Variants in TNFSF13B observed in about 807,000 individuals in gnomAD.
The protein encoded by TNFSF13B is TNF superfamily member 13b.
TNFSF13B carries 8 observed loss-of-function variants against 29.1 expected under a neutral mutation model. The ratio of observed to expected loss-of-function variants is 0.27; its 90% CI spans 0.16 to 0.50. The LOEUF is 0.50. Ranked by LOEUF, TNFSF13B falls within the 20% of genes least tolerant of loss-of-function variation. The pLI, the probability that TNFSF13B is intolerant of heterozygous loss-of-function variation, is 0.98. For synonymous variants in TNFSF13B, 125 were observed against 130.8 expected (o/e 0.96, Z 0.30); for missense variants, 248 against 334.9 (o/e 0.74, Z 2.03).
chr13:108,293,795 A>G (rs997567371), intron 3 of TNFSF13B, among the ~76,000 whole-genome samples: 2 of 152,208 alleles, frequency 1.3e-5, no homozygotes, highest in Non-Finnish European at 2.9e-5. Context: ...TTAAGGTGCC[A>G]ACAGATTTGG....
chr13:108,305,616 A>G (rs984078836), intron 5 of TNFSF13B, among the ~76,000 whole-genome samples: 2 of 152,154 alleles, frequency 1.3e-5, no homozygotes, highest in Non-Finnish European at 2.9e-5. Flanking sequence ...TATTCTTACT[A>G]CTTAAGGTAG....
chr13:108,279,215 C>G lies in TNFSF13B; in HGVS notation c.425-7588C>G, dbSNP rs542604255. The stretch of plus-strand genomic sequence containing the variant: ...TTATTCCACGGATTTTTTTTTAAGT[C>G]TGCTGTAAATCAGACACTGAAAATT... On this transcript the variant is annotated intron_variant, in intron 2 of 5. Transcript: ENST00000375887. Among the ~76,000 whole-genome samples, 72 of 151,778 alleles carry G rather than the reference C, an allele frequency of 4.7e-4. 1 individual carries two copies. Among genetic ancestry groups the G allele is most frequent in the African/African-American group, 1.7e-3 (69 of 41,404 alleles).
chr13:108,307,016 C>CAAAAAAAAAAAAAAAAAAAAAAAAAAAAA lies in TNFSF13B; in HGVS notation c.*81_*109dup, dbSNP rs58093140. On this transcript the variant is annotated 3_prime_UTR_variant, in exon 6 of 6. Transcript: ENST00000375887. Reference sequence around the variant, plus strand: ...GAAGAAAGAATCTAACTGAAAATACCAAAAAAAAAAAAAAAAAAAAAAAAA... The same window carrying CAAAAAAAAAAAAAAAAAAAAAAAAAAAAA: ...GAAGAAAGAATCTAACTGAAAATACCAAAAAAAAAAAAAAAAAAAAAAAAAAAAAAAAAAAAAAAAAAAAAAAAAAAAAA... The CAAAAAAAAAAAAAAAAAAAAAAAAAAAAA allele has an allele frequency of 1.4e-5, 1 of 73,848 alleles. No individual in the cohort carries two copies. The allele number at this position is 73,848 out of a possible 1,614,324, so 4.6% of individuals were successfully genotyped here.
intron 2 of TNFSF13B, among the ~76,000 whole-genome samples, chr13:108,275,343 A>T (rs1880734267): frequency 6.6e-6 from 1 of 152,130 alleles, no homozygotes; most frequent in African/African-American, 2.4e-5. Flanking sequence ...AAGAAAGTGA[A>T]TTCTTTCAAA....
At chr13:108,289,944 CA>C (rs1466445073) in intron 3 of TNFSF13B, among the ~76,000 whole-genome samples, 1 of 151,960 alleles carries the variant, frequency 6.6e-6, no homozygotes, top group Non-Finnish European at 1.5e-5. Context: ...GTAATGCATT[CA>C]CACGTTGCAA....
At chr13:108,271,568 C>A (rs1880616346) in intron 2 of TNFSF13B, among the ~76,000 whole-genome samples, 1 of 151,404 alleles carries the variant, frequency 6.6e-6, no homozygotes, top group African/African-American at 2.4e-5. Flanking sequence ...TTTTATAAAA[C>A]CATAATTTTT....
intron 2 of TNFSF13B, among the ~76,000 whole-genome samples, chr13:108,274,712 T>C (rs953954344): frequency 3.3e-5 from 5 of 152,302 alleles, no homozygotes; most frequent in African/African-American, 1.2e-4. Context: ...TTTCTTTGAT[T>C]TTTGTTTTCA....
chr13:108,285,574 G>T (rs1028287948), intron 2 of TNFSF13B, among the ~76,000 whole-genome samples: 20 of 152,146 alleles, frequency 1.3e-4, no homozygotes, highest in Middle Eastern at 3.2e-3. Flanking sequence ...CATAGAAAAG[G>T]TATAGTAAAA....
chr13:108,287,266 A>G (rs1036165769), intron 3 of TNFSF13B, among the ~76,000 whole-genome samples: 1 of 152,208 alleles, frequency 6.6e-6, no homozygotes, highest in Non-Finnish European at 1.5e-5. Flanking sequence ...AACTTAAAGT[A>G]TAATAAAAAC....
chr13:108,289,246 G>T (rs1398237133), intron 3 of TNFSF13B, among the ~76,000 whole-genome samples: 2 of 151,972 alleles, frequency 1.3e-5, no homozygotes, highest in Non-Finnish European at 2.9e-5. Context: ...AGTATGCTGT[G>T]ATCTTCCTGG....
rs1049055837 is a variant in TNFSF13B at position 108,307,317 on chromosome 13, CA to C, written c.*381del. ...GTGGCATCCATAATTTACTATGGAG[CA>C]AGTGCCCACATCTCTAGGACATTAA... On this transcript the variant is annotated 3_prime_UTR_variant, in exon 6 of 6. Transcript: ENST00000375887. The C allele has an allele frequency of 5.9e-6, 1 of 168,278 alleles. No homozygotes were observed. The highest frequency in any genetic ancestry group is 1.3e-5 in the Non-Finnish European group (1 of 79,316). 10.4% of individuals were successfully genotyped at this position (168,278 alleles called of 1,614,324 possible).
At chr13:108,292,404 T>C (rs1293496336) in intron 3 of TNFSF13B, among the ~76,000 whole-genome samples, 1 of 152,150 alleles carries the variant, frequency 6.6e-6, no homozygotes, top group Non-Finnish European at 1.5e-5. Context: ...TTGTGAGTAG[T>C]GATCCTGTGA....
chr13:108,281,069 A>G (rs1880939650), intron 2 of TNFSF13B, among the ~76,000 whole-genome samples: 1 of 152,122 alleles, frequency 6.6e-6, no homozygotes, highest in South Asian at 2.1e-4. Context: ...CAACACAGAG[A>G]AACCCTGTCT....
intron 5 of TNFSF13B, 39 bp downstream of exon 5, chr13:108,303,643 A>C: frequency 4.4e-6 from 7 of 1,573,952 alleles, no homozygotes; most frequent in Non-Finnish European, 6.0e-6. Context: ...TTGTGAAATG[A>C]AGAGACTTTG....
Position 108,269,947 on chromosome 13 carries a change from A to G in TNFSF13B, c.52A>G (p.Lys18Glu). ...EQSRLTSCLK[K>E]REEMKLKECV... ...GTCACGCCTTACTTCTTGCCTTAAGAAAAGAGAAGAAATGAAACTGAAGGA... is the reference window on the plus strand; with the variant it reads ...GTCACGCCTTACTTCTTGCCTTAAGGAAAGAGAAGAAATGAAACTGAAGGA... The change falls in exon 1 of 6, where the codon AAA becomes GAA. Residue 18 changes from lysine (K) to glutamate (E), a missense_variant. Transcript: ENST00000375887. 1 of 1,613,658 alleles carries G rather than the reference A, an allele frequency of 6.2e-7. No individual in the cohort carries two copies. The highest frequency in any genetic ancestry group is 8.5e-7 in the Non-Finnish European group (1 of 1,179,970).
rs2139036422 is a variant in TNFSF13B, at chr13:108,269,720, G to C, written c.-176G>C. On this transcript the variant is annotated 5_prime_UTR_variant, in exon 1 of 6. Transcript: ENST00000375887. ...TGCCAGCAAACCTACTGTACAGTAG[G>C]GGTAGAGATGCAGAAAGGCAGAAAG... 1.6e-6 allele frequency: 1 copy of C among 617,422 alleles called. No individual in the cohort carries two copies. The highest frequency in any genetic ancestry group is 2.7e-5 in the East Asian group (1 of 36,572). 38.2% of individuals were successfully genotyped at this position (617,422 alleles called of 1,614,324 possible).
intron 2 of TNFSF13B, among the ~76,000 whole-genome samples, chr13:108,283,197 T>G (rs1881008493): frequency 1.3e-5 from 2 of 152,224 alleles, no homozygotes; most frequent in Non-Finnish European, 2.9e-5. Flanking sequence ...ATAGCTGAAA[T>G]AGTTGAAATT....
At chr13:108,293,584 G>A (rs1881385662) in intron 3 of TNFSF13B, among the ~76,000 whole-genome samples, 2 of 152,010 alleles carry the variant, frequency 1.3e-5, no homozygotes, top group Admixed American at 1.3e-4. Context: ...TTATTTATAT[G>A]TCCTATCATT....
rs559337019 is a variant in TNFSF13B, at chr13:108,281,031, G to A, written c.425-5772G>A. ...GGAGGCTGAGGTAGGTGGATCACCTGAGGTCAGGAGTTCGAGACCAGCCTG... is the reference window on the plus strand; with the variant it reads ...GGAGGCTGAGGTAGGTGGATCACCTAAGGTCAGGAGTTCGAGACCAGCCTG... On this transcript the variant is annotated intron_variant, in intron 2 of 5. Coordinates refer to ENST00000375887, the MANE Select transcript of TNFSF13B (RefSeq NM_006573.5). Among the ~76,000 whole-genome samples the A allele has an allele frequency of 5.9e-5, 9 of 152,274 alleles. No individual in the cohort carries two copies. The South Asian group carries it at 1.9e-3, about 32-fold the overall frequency.
Sources: allele counts gnomAD v4.1 joint callset (sites outside exome capture counted in the v4.1 genomes callset), GRCh38; gene constraint gnomAD v4.1.1; transcripts MANE v1.5; gene names NCBI Gene and HGNC (gene_info 2026-07-23, HGNC 2026-07-21).